The following SLC14A2 variants were observed in gnomAD, a reference collection of about 807,000 sequenced individuals.
The protein encoded by SLC14A2 is solute carrier family 14 member 2.
In SLC14A2, 91 loss-of-function variants were observed where a neutral mutation model predicts 104.6. That is an observed-to-expected ratio of 0.87 (90% CI 0.73 to 1.04). The LOEUF is 1.04. Among genes scored for constraint, SLC14A2 ranks in the 50% least tolerant of loss-of-function variants. The pLI, the probability that SLC14A2 is intolerant of heterozygous loss-of-function variation, is 0.00. For synonymous variants in SLC14A2, 476 were observed against 466.4 expected (o/e 1.02, Z -0.27); for missense variants, 1,189 against 1,156.0 (o/e 1.03, Z -0.41).
At chr18:45,478,272 C>T (rs2087423232) in intron 1 of SLC14A2, among the ~76,000 whole-genome samples, 1 of 152,206 alleles carries the variant, frequency 6.6e-6, no homozygotes, top group Non-Finnish European at 1.5e-5. Flanking sequence ...CCAGGTGAGG[C>T]AACGCCCCAC....
upstream of SLC14A2, among the ~76,000 whole-genome samples, chr18:45,612,396 G>A (rs2144454082): frequency 6.6e-6 from 1 of 152,306 alleles, no homozygotes; most frequent in South Asian, 2.1e-4. Flanking sequence ...TCTCTCTACT[G>A]CCTGAATTCA....
chr18:45,527,069 G>A (rs760990961), intron 2 of SLC14A2, among the ~76,000 whole-genome samples: 1 of 152,112 alleles, frequency 6.6e-6, no homozygotes, highest in Non-Finnish European at 1.5e-5. Flanking sequence ...GCCCAGAGAG[G>A]GGCATGACTT....
chr18:45,445,165 G>A (rs1403273134), intron 1 of SLC14A2, among the ~76,000 whole-genome samples: 1 of 142,786 alleles, frequency 7.0e-6, no homozygotes, highest in Non-Finnish European at 1.5e-5. Flanking sequence ...AGGCTGAAGT[G>A]CAGTGGCACA....
intron 1 of SLC14A2, among the ~76,000 whole-genome samples, chr18:45,310,796 T>A (rs1047114574): frequency 1.3e-5 from 2 of 152,260 alleles, no homozygotes; most frequent in Admixed American, 1.3e-4. Context: ...CCAAAGCAGG[T>A]CATTGACTGT....
chr18:45,310,969 A>G (rs1304970446), intron 1 of SLC14A2, among the ~76,000 whole-genome samples: 1 of 152,170 alleles, frequency 6.6e-6, no homozygotes, highest in Non-Finnish European at 1.5e-5. Context: ...AATGGCTACT[A>G]ATCAGATCCA....
intron 1 of SLC14A2, among the ~76,000 whole-genome samples, chr18:45,364,936 C>T (rs1225224017): frequency 1.3e-5 from 2 of 152,160 alleles, no homozygotes; most frequent in African/African-American, 4.8e-5. Flanking sequence ...GTTCTAGCTC[C>T]AGATATAAAG....
chr18:45,654,619 C>A (rs2144596920), intron 10 of SLC14A2, among the ~76,000 whole-genome samples: 1 of 152,272 alleles, frequency 6.6e-6, no homozygotes, highest in Non-Finnish European at 1.5e-5. Flanking sequence ...CTAAGAATTC[C>A]AGAGACAACA....
chr18:45,491,288 G>A (rs1040257378), intron 2 of SLC14A2, among the ~76,000 whole-genome samples: 15 of 152,172 alleles, frequency 9.9e-5, no homozygotes, highest in Admixed American at 3.3e-4. Flanking sequence ...CATCAAGAAG[G>A]ATGATCTTGA....
intron 1 of SLC14A2, among the ~76,000 whole-genome samples, chr18:45,618,744 G>A (rs978074025): frequency 6.6e-6 from 1 of 151,280 alleles, no homozygotes; most frequent in African/African-American, 2.4e-5. Context: ...AGATGACCAG[G>A]GGACTGGTAT....
the SLC14A2 span, among the ~76,000 whole-genome samples, chr18:45,204,351 C>T: frequency 3.5e-4 from 53 of 152,294 alleles, no homozygotes; most frequent in African/African-American, 1.1e-3. Flanking sequence ...TGGAAACCTT[C>T]GGGTCTACTT....
the SLC14A2 span, among the ~76,000 whole-genome samples, chr18:45,183,243 C>T: frequency 6.6e-6 from 1 of 152,148 alleles, no homozygotes; most frequent in Non-Finnish European, 1.5e-5. Context: ...AATGGCTTAT[C>T]CTTTAGGAAA....
intron 1 of SLC14A2, among the ~76,000 whole-genome samples, chr18:45,414,009 G>C (rs929060625): frequency 5.3e-5 from 8 of 151,966 alleles, no homozygotes; most frequent in African/African-American, 1.9e-4. Context: ...CCTGTGCCTC[G>C]TACAAAAAAA....
intron 1 of SLC14A2, among the ~76,000 whole-genome samples, chr18:45,357,705 C>T (rs2085569530): frequency 6.6e-6 from 1 of 152,084 alleles, no homozygotes; most frequent in Admixed American, 6.6e-5. Flanking sequence ...GAAGCATAGG[C>T]CTGAGATGAG....
intron 1 of SLC14A2, among the ~76,000 whole-genome samples, chr18:45,221,483 T>C (rs2084061773): frequency 6.6e-6 from 1 of 152,192 alleles, no homozygotes; most frequent in Non-Finnish European, 1.5e-5. Context: ...CGGTGCTCAC[T>C]ACCAGATCAG....
chr18:45,636,970 T>G lies in SLC14A2; in HGVS notation c.651-20T>G. 6.2e-7 allele frequency: 1 copy of G among 1,604,466 alleles called. No homozygotes were observed. Among genetic ancestry groups the G allele is most frequent in the Non-Finnish European group, 8.5e-7 (1 of 1,172,926 alleles). On this transcript the variant is annotated intron_variant, in intron 5 of 19. Transcript: ENST00000255226. The stretch of plus-strand genomic sequence containing the variant: ...CTCAGGATGTCACAGGGATTAACCC[T>G]CTGTCTCTTGCATCTTCAGCCCAGT...
rs148064967 is a variant in SLC14A2 at position 45,317,413 on chromosome 18, T to C, written c.-125+104222T>C. ...GAAGCTTGTAGTCCACTGTGGAAAT[T>C]AGTCCTTAAGGAAAACGTTTGCAAC... On this transcript the variant is annotated intron_variant, in intron 1 of 20. Coordinates refer to the SLC14A2 transcript ENST00000586448. Among the ~76,000 whole-genome samples the C allele has an allele frequency of 2.3e-3, 347 of 152,258 alleles. 4 individuals are homozygous for C. The highest frequency in any genetic ancestry group is 0.02 in the Admixed American group (312 of 15,296).
intron 2 of SLC14A2, among the ~76,000 whole-genome samples, chr18:45,572,819 C>T (rs933288884): frequency 5.9e-5 from 9 of 152,110 alleles, no homozygotes; most frequent in Admixed American, 4.6e-4. Context: ...CAAGATTTCT[C>T]GATTGTGCAA....
intron 1 of SLC14A2, among the ~76,000 whole-genome samples, chr18:45,442,377 CTG>C (rs1568206269): frequency 6.6e-6 from 1 of 152,148 alleles, no homozygotes; most frequent in Non-Finnish European, 1.5e-5. Context: ...CCTTCTGAGA[CTG>C]TGAGGAAGAT....
intron 1 of SLC14A2, among the ~76,000 whole-genome samples, chr18:45,278,362 G>T (rs2144135683): frequency 6.6e-6 from 1 of 152,302 alleles, no homozygotes. Flanking sequence ...TCAGCAGAAT[G>T]CTTGGCTCTG....
Sources: allele counts gnomAD v4.1 joint callset (sites outside exome capture counted in the v4.1 genomes callset), GRCh38; gene constraint gnomAD v4.1.1; transcripts MANE v1.5; gene names NCBI Gene and HGNC (gene_info 2026-07-23, HGNC 2026-07-21).